The following EPHX2 variants were observed in gnomAD, a reference collection of about 807,000 sequenced individuals.
The protein encoded by EPHX2 is epoxide hydrolase 2, also known as bifunctional epoxide hydrolase 2.
A neutral mutation model predicts 78.7 loss-of-function variants in EPHX2; 74 were observed. The ratio of observed to expected loss-of-function variants is 0.94; its 90% CI spans 0.78 to 1.14. The LOEUF is 1.14. Among genes scored for constraint, EPHX2 ranks in the 50% most tolerant of loss-of-function variants. The pLI is 0.00. For synonymous variants in EPHX2, 251 were observed against 255.2 expected (o/e 0.98, Z 0.16); for missense variants, 715 against 702.5 (o/e 1.02, Z -0.20).
At chr8:27,496,873 AAATGGGT>A (rs1813592791) in intron 1 of EPHX2, among the ~76,000 whole-genome samples, 1 of 152,222 alleles carries the variant, frequency 6.6e-6, no homozygotes, top group South Asian at 2.1e-4. Flanking sequence ...AGGGGACAAC[AAATGGGT>A]AACTTGTTCC....
chr8:27,543,806 A>G lies in EPHX2; in HGVS notation c.1507A>G (p.Met503Val). 1 of 1,614,084 alleles carries G rather than the reference A, an allele frequency of 6.2e-7. No homozygotes were observed. The highest frequency in any genetic ancestry group is 8.5e-7 in the Non-Finnish European group (1 of 1,180,012). Residue 503 changes from methionine to valine, a missense_variant, in exon 17 of 19, where the codon ATG (methionine) becomes GTG (valine). Coordinates refer to ENST00000521400, the MANE Select transcript of EPHX2 (RefSeq NM_001979.6). ...AEKDFVLVPQ[M>V]SQHMEDWIPH... ...GAAGGACTTCGTGCTCGTTCCTCAG[A>G]TGTCCCAGCACATGGAGGACTGGGT...
rs568659532 is a variant in EPHX2, at chr8:27,534,143, G to C, written c.1171-2641G>C. Among the ~76,000 whole-genome samples the C allele has an allele frequency of 2.0e-5, 3 of 152,224 alleles. No homozygotes were observed. In the East Asian group the frequency reaches 5.8e-4, roughly 29 times the overall value. On this transcript the variant is annotated intron_variant, in intron 12 of 18. Transcript: ENST00000521400. ...CTTCCCATGGCTATTTCTCACTGTG[G>C]CATTCATCATCATGTTGCGGAAGGC... is the stretch of plus-strand genomic sequence containing the variant.
intron 1 of EPHX2, among the ~76,000 whole-genome samples, chr8:27,496,404 C>T (rs577619055): frequency 1.3e-5 from 2 of 152,212 alleles, no homozygotes; most frequent in East Asian, 1.9e-4. Context: ...AAAGTTGGGA[C>T]GTGTGGTCTG....
intron 12 of EPHX2, among the ~76,000 whole-genome samples, chr8:27,528,038 C>T (rs950595740): frequency 1.2e-4 from 18 of 152,056 alleles, no homozygotes; most frequent in Admixed American, 3.3e-4. Context: ...TTGTTCTGTG[C>T]GCTATGGGGA....
At chr8:27,505,480 G>A (rs1813968800) in intron 4 of EPHX2, among the ~76,000 whole-genome samples, 3 of 152,164 alleles carry the variant, frequency 2.0e-5, no homozygotes, top group Non-Finnish European at 4.4e-5. Flanking sequence ...TAGTAGTCAG[G>A]TTCATCCCCA....
intron 11 of EPHX2, 51 bp from the exon 12 acceptor site, chr8:27,525,311 T>C: frequency 6.4e-7 from 1 of 1,560,622 alleles, no homozygotes; most frequent in Non-Finnish European, 8.8e-7. Flanking sequence ...CTGGCTCTTG[T>C]AAGACTGTCT....
intron 11 of EPHX2, among the ~76,000 whole-genome samples, chr8:27,524,966 CAA>C (rs1814771825): frequency 6.8e-6 from 1 of 146,470 alleles, no homozygotes; most frequent in African/African-American, 2.7e-5. Context: ...AGAGGAGACA[CAA>C]TGAGTGAATA....
chr8:27,506,769 T>A, intron 4 of EPHX2, 103 bp from the exon 5 acceptor site: 1 of 1,472,298 alleles, frequency 6.8e-7, no homozygotes, highest in Non-Finnish European at 9.2e-7. Context: ...CAGTAGATGG[T>A]TATAAAAGAA....
chr8:27,508,752 TTGTGTGTGTGTGTGCGCGCACGCACG>T (rs962597889), intron 5 of EPHX2, among the ~76,000 whole-genome samples: 5 of 152,024 alleles, frequency 3.3e-5, no homozygotes, highest in South Asian at 2.1e-4. Context: ...TTTGCCATCT[TTGTGTGTGTGTGTGCGCGCACGCACG>T]TGTGTGTGTG....
chr8:27,535,059 G>A (rs1274518249), intron 12 of EPHX2, among the ~76,000 whole-genome samples: 1 of 152,238 alleles, frequency 6.6e-6, no homozygotes, highest in African/African-American at 2.4e-5. Flanking sequence ...GGTGCGTGCA[G>A]GTGGGTGGTT....
chr8:27,504,861 C>G, intron 3 of EPHX2, 95 bp from the exon 4 acceptor site: 1 of 1,310,080 alleles, frequency 7.6e-7, no homozygotes. Context: ...TGAGCACAAC[C>G]TGCTTGGCCC....
At chr8:27,528,771 G>A (rs1444075125) in intron 12 of EPHX2, among the ~76,000 whole-genome samples, 1 of 152,102 alleles carries the variant, frequency 6.6e-6, no homozygotes. Flanking sequence ...TGCTGTGGGT[G>A]CACCCGTCTC....
Position 27,520,898 on chromosome 8 carries a change from C to G in EPHX2, c.961C>G (p.Leu321Val). The change falls in exon 10 of 19, where the codon CTG (leucine) becomes GTG (valine). Residue 321 changes from leucine to valine, a missense_variant. Physicochemically the swap from Leu to Val is conservative, Grantham distance 32 (BLOSUM62 1). Coordinates refer to ENST00000521400, the MANE Select transcript of EPHX2 (RefSeq NM_001979.6). ...TCTTCCTTAGGAGATGGTAACCTTC[C>G]TGGATAAACTGGTAAGTCATTATTT... ...EVLCKEMVTF[L>V]DKLGLSQAVF... 3 of 1,614,172 alleles carry G rather than the reference C, an allele frequency of 1.9e-6. No homozygotes were observed. Among genetic ancestry groups the G allele is most frequent in the Non-Finnish European group, 2.5e-6 (3 of 1,180,034 alleles).
intron 16 of EPHX2, among the ~76,000 whole-genome samples, 196 bp from the exon 17 acceptor site, chr8:27,543,553 A>G (rs922677833): frequency 6.6e-6 from 1 of 152,084 alleles, no homozygotes; most frequent in African/African-American, 2.4e-5. Context: ...CTGCACACAT[A>G]AGACCCATAT....
intron 14 of EPHX2, 67 bp downstream of exon 14, chr8:27,538,759 T>C (rs375770010): frequency 3.2e-6 from 5 of 1,552,250 alleles, no homozygotes; most frequent in Non-Finnish European, 4.4e-6. Flanking sequence ...TTTCTGTCTC[T>C]GACTGCTATG....
chr8:27,513,945 CTG>C (rs1780928697), intron 6 of EPHX2, among the ~76,000 whole-genome samples: 1 of 152,236 alleles, frequency 6.6e-6, no homozygotes. Context: ...CTGATAAACA[CTG>C]TAGTCTGTGA....
intron 6 of EPHX2, among the ~76,000 whole-genome samples, chr8:27,514,244 C>T (rs1219561743): frequency 6.6e-6 from 1 of 152,006 alleles, no homozygotes; most frequent in East Asian, 1.9e-4. Context: ...GAGTTTGAGG[C>T]TGCAGTGAGC....
At chr8:27,501,394 T>TTCTTC (rs376633107) in intron 2 of EPHX2, among the ~76,000 whole-genome samples, 33 of 73,044 alleles carry the variant, frequency 4.5e-4, no homozygotes, top group South Asian at 9.7e-4. Context: ...CTTCTTCTTC[T>TTCTTC]TTCTTCTTTC....
chr8:27,543,016 G>A (rs1025195896), intron 16 of EPHX2, among the ~76,000 whole-genome samples: 11 of 34,354 alleles, frequency 3.2e-4, no homozygotes, highest in African/African-American at 8.8e-4. Flanking sequence ...TCCCCCCCCC[G>A]CCCCCCGCCC....
Sources: allele counts gnomAD v4.1 joint callset (sites outside exome capture counted in the v4.1 genomes callset), GRCh38; gene constraint gnomAD v4.1.1; transcripts MANE v1.5; gene names NCBI Gene and HGNC (gene_info 2026-07-23, HGNC 2026-07-21).